GREB1L: variants seen among roughly 807,000 people sequenced by gnomAD.
The protein encoded by GREB1L is GREB1-like protein.
A neutral mutation model predicts 200.8 loss-of-function variants in GREB1L; 17 were observed. That is an observed-to-expected ratio of 0.08 (90% CI 0.06 to 0.13). GREB1L has a LOEUF of 0.13. GREB1L is among the 10% of genes least tolerant of loss of function. The pLI, the probability that GREB1L is intolerant of heterozygous loss-of-function variation, is 1.00. For synonymous variants in GREB1L, 789 were observed against 893.0 expected (o/e 0.88, Z 2.08); for missense variants, 1,657 against 2,367.7 (o/e 0.70, Z 6.23).
At chr18:21,307,678 T>G (rs187110358) in intron 1 of GREB1L, among the ~76,000 whole-genome samples, 162 of 152,234 alleles carry the variant, frequency 1.1e-3, no homozygotes, top group African/African-American at 3.6e-3. Context: ...GGAGGCTGTC[T>G]GTGAGGACCA....
At chr18:21,256,935 G>T (rs1472146905) in intron 1 of GREB1L, among the ~76,000 whole-genome samples, 2 of 150,388 alleles carry the variant, frequency 1.3e-5, no homozygotes, top group Non-Finnish European at 3.0e-5. Flanking sequence ...AACCCGGGAG[G>T]TGGCGGTTGC....
chr18:21,278,191 C>T lies in GREB1L; in HGVS notation c.-120+35798C>T, dbSNP rs577203292. The stretch of plus-strand genomic sequence containing the variant: ...AGTCAGGAGTTCGAGACCAGCCTGG[C>T]CAACATGGCGAAACCCCATCTCTAC... On this transcript the variant is annotated intron_variant, in intron 1 of 32. Transcript: ENST00000424526. Among the ~76,000 whole-genome samples, 1,298 of 151,928 alleles carry T rather than the reference C, an allele frequency of 8.5e-3. 18 individuals carry two copies. Among genetic ancestry groups the T allele is most frequent in the African/African-American group, 0.03 (1,227 of 41,430 alleles).
intron 15 of GREB1L, among the ~76,000 whole-genome samples, chr18:21,459,067 G>A (rs1453199428): frequency 6.6e-6 from 1 of 151,932 alleles, no homozygotes; most frequent in East Asian, 1.9e-4. Context: ...TCCAGGCAAG[G>A]AAGTTTTATC....
intron 1 of GREB1L, among the ~76,000 whole-genome samples, chr18:21,255,640 A>G (rs1292883070): frequency 6.6e-6 from 1 of 152,188 alleles, no homozygotes; most frequent in Admixed American, 6.5e-5. Flanking sequence ...TGTTTCTTTT[A>G]TGGAAATATA....
intron 15 of GREB1L, among the ~76,000 whole-genome samples, chr18:21,469,097 A>G (rs1351351271): frequency 6.6e-6 from 1 of 152,206 alleles, no homozygotes; most frequent in African/African-American, 2.4e-5. Flanking sequence ...AGCAATGGTA[A>G]TATCCTGTTT....
At chr18:21,443,298 G>A (rs1371062706) in intron 10 of GREB1L, among the ~76,000 whole-genome samples, 1 of 152,072 alleles carries the variant, frequency 6.6e-6, no homozygotes, top group African/African-American at 2.4e-5. Context: ...TGCCTCCTGG[G>A]TTCAAGCGAT....
At chr18:21,290,580 T>C (rs969242262) in intron 1 of GREB1L, among the ~76,000 whole-genome samples, 12 of 152,170 alleles carry the variant, frequency 7.9e-5, no homozygotes. Context: ...CCCAGCATTT[T>C]GAGAGGCTGA....
intron 7 of GREB1L, among the ~76,000 whole-genome samples, chr18:21,421,274 A>G (rs755692702): frequency 1.3e-5 from 2 of 152,220 alleles, no homozygotes; most frequent in Non-Finnish European, 2.9e-5. Flanking sequence ...ATTGTCAATT[A>G]TCCCTCAATA....
chr18:21,266,554 A>G (rs1387216187), intron 1 of GREB1L, among the ~76,000 whole-genome samples: 1 of 152,214 alleles, frequency 6.6e-6, no homozygotes, highest in Non-Finnish European at 1.5e-5. Flanking sequence ...CTGCCAACAG[A>G]AGAGTTCCAC....
chr18:21,260,532 T>A (rs2037872482), intron 1 of GREB1L, among the ~76,000 whole-genome samples: 1 of 152,038 alleles, frequency 6.6e-6, no homozygotes, highest in African/African-American at 2.4e-5. Context: ...CTCCTCACAG[T>A]AGCTGGTTTT....
intron 7 of GREB1L, among the ~76,000 whole-genome samples, chr18:21,417,958 G>A (rs1284756382): frequency 2.0e-5 from 3 of 147,986 alleles, no homozygotes; most frequent in Non-Finnish European, 4.5e-5. Context: ...TCCAGCCTGG[G>A]CAACAGAGCG....
chr18:21,372,479 G>A (rs953398847), intron 2 of GREB1L, among the ~76,000 whole-genome samples: 2 of 151,948 alleles, frequency 1.3e-5, no homozygotes, highest in African/African-American at 2.4e-5. Context: ...TACCTGACAC[G>A]AGAGATTTTT....
chr18:21,307,754 C>CG (rs1046378183), intron 1 of GREB1L, among the ~76,000 whole-genome samples: 5 of 151,852 alleles, frequency 3.3e-5, no homozygotes, highest in South Asian at 2.1e-4. Flanking sequence ...GACTCGGGGG[C>CG]GGGGGGGAGG....
rs1196514614 is a variant in GREB1L, at chr18:21,473,008, A to T, written c.2183-23A>T. 4 of 1,494,550 alleles carry T rather than the reference A, an allele frequency of 2.7e-6. No homozygotes were observed. In the African/African-American group the frequency reaches 5.6e-5, roughly 21 times the overall value. 92.6% of individuals were successfully genotyped at this position (1,494,550 alleles called of 1,614,324 possible). ...TGTATGTGTAAAAGTGTGTTAAAAG[A>T]TGAACTTTTTTCTTCTTGGCAGGTG... On this transcript the variant is annotated intron_variant, in intron 15 of 32. Transcript: ENST00000424526.
chr18:21,500,850 C>T (rs984244998), intron 23 of GREB1L, among the ~76,000 whole-genome samples: 1 of 152,154 alleles, frequency 6.6e-6, no homozygotes, highest in Non-Finnish European at 1.5e-5. Context: ...GGGTGGATCA[C>T]CTGAGATGGG....
At chr18:21,492,563 G>T (rs2036384625) in intron 19 of GREB1L, among the ~76,000 whole-genome samples, 1 of 152,078 alleles carries the variant, frequency 6.6e-6, no homozygotes, top group Admixed American at 6.6e-5. Context: ...AAATCAGTCT[G>T]TCCTAAATAA....
At chr18:21,313,964 T>C (rs1215620066) in intron 1 of GREB1L, among the ~76,000 whole-genome samples, 2 of 152,216 alleles carry the variant, frequency 1.3e-5, no homozygotes, top group South Asian at 2.1e-4. Context: ...ACATGAATTT[T>C]AATTTTTTTA....
At chr18:21,347,158 G>A (rs532016742) in intron 1 of GREB1L, among the ~76,000 whole-genome samples, 5 of 151,930 alleles carry the variant, frequency 3.3e-5, no homozygotes, top group African/African-American at 1.2e-4. Flanking sequence ...GGTGCCTGTA[G>A]TCCCAGCTAC....
chr18:21,274,623 A>G (rs537812040), intron 1 of GREB1L, among the ~76,000 whole-genome samples: 9 of 152,272 alleles, frequency 5.9e-5, no homozygotes, highest in African/African-American at 2.2e-4. Flanking sequence ...GCTAGGCACA[A>G]TGACACATGC....
Sources: gnomAD v4.1 joint callset for allele counts (sites outside exome capture counted in the v4.1 genomes callset) on GRCh38, gnomAD v4.1.1 for gene constraint, MANE v1.5 for transcripts, NCBI Gene and HGNC (gene_info 2026-07-23, HGNC 2026-07-21) for gene names.